CHD1L: variants seen among roughly 807,000 people sequenced by gnomAD.
CHD1L encodes the protein chromodomain helicase DNA binding protein 1 like, also known as ATP-dependent chromatin remodeler CHD1L.
A neutral mutation model predicts 115.9 loss-of-function variants in CHD1L; 118 were observed. The observed-to-expected ratio is 1.02, with a 90% confidence interval of 0.88 to 1.19. The LOEUF is 1.19. Among genes scored for constraint, CHD1L ranks in the 50% most tolerant of loss-of-function variants. The pLI, the probability that CHD1L is intolerant of heterozygous loss-of-function variation, is 0.00. For missense variants in CHD1L, 1,179 were observed against 1,065.3 expected (o/e 1.11, Z -1.49); for synonymous variants, 411 against 387.1 (o/e 1.06, Z -0.72).
At chr1:147,179,548 A>G in the CHD1L span, 4 of 1,586,086 alleles carry the variant, frequency 2.5e-6, no homozygotes, top group East Asian at 2.2e-5. Flanking sequence ...TTTATTAGCT[A>G]TCTACAACGA....
the CHD1L span, among the ~76,000 whole-genome samples, chr1:147,219,009 C>A: frequency 6.6e-6 from 1 of 152,120 alleles, no homozygotes; most frequent in African/African-American, 2.4e-5. Flanking sequence ...CTGTGAGAAA[C>A]CCGAGAGTAG....
the CHD1L span, among the ~76,000 whole-genome samples, chr1:147,231,078 A>T: frequency 6.6e-6 from 1 of 151,894 alleles, no homozygotes; most frequent in African/African-American, 2.4e-5. Flanking sequence ...TTGCTTCTCT[A>T]GTTCTTTTAA....
the CHD1L span, among the ~76,000 whole-genome samples, chr1:147,236,381 C>G: frequency 0.056 from 8,502 of 152,314 alleles, 324 homozygotes; most frequent in African/African-American, 0.11. Flanking sequence ...TGTGTTACAA[C>G]TCTTTTAGCT....
chr1:147,264,335 CTCTG>C, intron 6 of CHD1L, 83 bp from the exon 7 acceptor site: 1 of 1,215,174 alleles, frequency 8.2e-7, no homozygotes, highest in Non-Finnish European at 1.1e-6. Flanking sequence ...TCATGCCTCT[CTCTG>C]TGTGGGTAAA....
intron 15 of CHD1L, among the ~76,000 whole-genome samples, chr1:147,282,193 C>T (rs1473373062): frequency 2.0e-5 from 3 of 152,202 alleles, no homozygotes; most frequent in Non-Finnish European, 4.4e-5. Context: ...GGTGAGTCAG[C>T]TTTTACATGG....
chr1:147,285,603 A>G (rs1572127009), intron 17 of CHD1L, 116 bp downstream of exon 17: 3 of 1,172,362 alleles, frequency 2.6e-6, no homozygotes, highest in Non-Finnish European at 1.2e-6. Flanking sequence ...GTTGGTTCCT[A>G]TTGGTAACAG....
chr1:147,186,728 C>G, the CHD1L span: 2 of 1,427,532 alleles, frequency 1.4e-6, no homozygotes, highest in African/African-American at 2.9e-5. Flanking sequence ...TGAGTTAATA[C>G]AAATGGAAAA....
At chr1:147,176,965 G>A in the CHD1L span, among the ~76,000 whole-genome samples, 1 of 151,918 alleles carries the variant, frequency 6.6e-6, no homozygotes, top group Admixed American at 6.6e-5. Flanking sequence ...AATGCATGTG[G>A]ATTCATGTTT....
At chr1:147,294,380 G>A in intron 21 of CHD1L, 29 bp from the exon 22 acceptor site, 2 of 1,545,180 alleles carry the variant, frequency 1.3e-6, no homozygotes, top group Non-Finnish European at 1.8e-6. Flanking sequence ...TTTGATGAGT[G>A]AAGACATGTG....
chr1:147,262,959 A>G (rs1672487334), intron 6 of CHD1L, among the ~76,000 whole-genome samples: 1 of 152,186 alleles, frequency 6.6e-6, no homozygotes, highest in African/African-American at 2.4e-5. Context: ...TCAAAAAGTA[A>G]TGTATATATG....
Position 147,286,458 on chromosome 1 carries a change from C to A in CHD1L, c.2179C>A (p.Pro727Thr), listed in dbSNP as rs149913688. Reference sequence around the variant, plus strand: ...GTACGTTAGTGGTGATGTCACCCACCCTCAGGCTGGGGCCGAGGATGCTCT... The same window carrying A: ...GTACGTTAGTGGTGATGTCACCCACACTCAGGCTGGGGCCGAGGATGCTCT... The part of the protein sequence containing the change: ...LKYVSGDVTH[P>T]QAGAEDALIV... Residue 727 changes from proline to threonine, a missense_variant, in exon 18 of 23, where the codon CCT becomes ACT. Pro to Thr is a conservative substitution (Grantham distance 38, BLOSUM62 -1). Coordinates refer to ENST00000369258, the MANE Select transcript of CHD1L (RefSeq NM_004284.6). 240 of 1,614,076 alleles carry A rather than the reference C, an allele frequency of 1.5e-4. No homozygotes were observed. Among genetic ancestry groups the A allele is most frequent in the Non-Finnish European group, 1.9e-4 (219 of 1,180,028 alleles).
At chr1:147,252,524 G>A in intron 1 of CHD1L, 99 bp from the exon 2 acceptor site, 1 of 875,114 alleles carries the variant, frequency 1.1e-6, no homozygotes, top group Non-Finnish European at 1.8e-6. Flanking sequence ...TTAGGGTTAT[G>A]TGAATTTAGG....
At chr1:147,186,818 AC>A in the CHD1L span, 1 of 1,520,158 alleles carries the variant, frequency 6.6e-7, no homozygotes, top group Non-Finnish European at 8.8e-7. Flanking sequence ...GCAATATGAA[AC>A]TGAGAGTCAA....
At chr1:147,255,022 GA>G (rs782451621) in intron 3 of CHD1L, 46 bp downstream of exon 3, 2 of 1,394,346 alleles carry the variant, frequency 1.4e-6, no homozygotes, top group South Asian at 1.4e-5. Context: ...TCTTGATTAA[GA>G]TTTTTTTTCT....
At chr1:147,257,114 G>C (rs1670408080) in intron 5 of CHD1L, among the ~76,000 whole-genome samples, 1 of 152,154 alleles carries the variant, frequency 6.6e-6, no homozygotes, top group Non-Finnish European at 1.5e-5. Context: ...GGGAATGATA[G>C]GATCATGTCA....
the CHD1L span, among the ~76,000 whole-genome samples, chr1:147,196,139 T>G: frequency 6.6e-6 from 1 of 152,166 alleles, no homozygotes. Flanking sequence ...TCACATTCTC[T>G]GCCATCTTGG....
the CHD1L span, chr1:147,187,007 G>A: frequency 6.2e-7 from 1 of 1,614,080 alleles, no homozygotes; most frequent in Non-Finnish European, 8.5e-7. Flanking sequence ...CTTGTCATCA[G>A]AGGCTTCCTG....
the CHD1L span, chr1:147,179,433 T>A: frequency 1.3e-6 from 2 of 1,594,658 alleles, no homozygotes; most frequent in Non-Finnish European, 1.7e-6. Context: ...CAGCCAATGA[T>A]GTGCCTTCTC....
chr1:147,203,771 A>G, the CHD1L span: 5 of 1,535,680 alleles, frequency 3.3e-6, no homozygotes, highest in African/African-American at 4.1e-5. Flanking sequence ...TGCCCTTTCT[A>G]TGTCATCCAT....
Sources: gnomAD v4.1 joint callset for allele counts (sites outside exome capture counted in the v4.1 genomes callset) on GRCh38, gnomAD v4.1.1 for gene constraint, MANE v1.5 for transcripts, NCBI Gene and HGNC (gene_info 2026-07-23, HGNC 2026-07-21) for gene names.